Variants in TACC2 observed in about 807,000 individuals in gnomAD.
The protein encoded by TACC2 is transforming acidic coiled-coil-containing protein 2.
TACC2 carries 137 observed loss-of-function variants against 227.3 expected under a neutral mutation model. The ratio of observed to expected loss-of-function variants is 0.60; its 90% CI spans 0.52 to 0.69. The LOEUF is 0.69. TACC2 is among the 30% of genes least tolerant of loss of function. TACC2 has a pLI of 0.00. For synonymous variants in TACC2, 1,523 were observed against 1,487.5 expected, an observed-to-expected ratio of 1.02 and a Z score of -0.55; for missense variants, 3,470 against 3,694.4, an observed-to-expected ratio of 0.94 and a Z score of 1.57.
chr10:122,115,685 G>T (rs2084570914), intron 5 of TACC2, among the ~76,000 whole-genome samples: 1 of 152,204 alleles, frequency 6.6e-6, no homozygotes, highest in South Asian at 2.1e-4. Context: ...AAGCGTAGAT[G>T]AGACTGGAAG....
chr10:122,119,858 G>T (rs1312857641), intron 5 of TACC2, among the ~76,000 whole-genome samples: 2 of 151,904 alleles, frequency 1.3e-5, no homozygotes, highest in East Asian at 3.9e-4. Flanking sequence ...GGCAGAGGTT[G>T]CAGTGAGTCA....
intron 1 of TACC2, among the ~76,000 whole-genome samples, chr10:121,994,922 A>G (rs1356420264): frequency 6.6e-6 from 1 of 152,192 alleles, no homozygotes; most frequent in Non-Finnish European, 1.5e-5. Flanking sequence ...TTGATAGACT[A>G]TGGCCCCATT....
chr10:122,254,145 T>C lies in TACC2; in HGVS notation c.*89T>C, dbSNP rs759862926. ...CCTCCAGTTCCATGGACAGGTTCTG[T>C]TTTCACTTTTTCGTATGCACTACTG... On this transcript the variant is annotated 3_prime_UTR_variant, in exon 23 of 23. Coordinates refer to ENST00000369005, the MANE Select transcript of TACC2 (RefSeq NM_206862.4). The C allele has an allele frequency of 1.8e-6, 2 of 1,111,202 alleles. No homozygotes were observed. The highest frequency in any genetic ancestry group is 3.4e-5 in the Admixed American group (2 of 59,194). 68.8% of individuals were successfully genotyped at this position (1,111,202 alleles called of 1,614,324 possible).
chr10:122,034,286 A>G (rs17102886), intron 2 of TACC2, among the ~76,000 whole-genome samples: 12,954 of 152,170 alleles, frequency 0.085, 643 homozygotes, highest in South Asian at 0.18. Context: ...AACCATTTGC[A>G]TAGAGCATTG....
rs773532416 is a variant in TACC2 at position 122,087,199 on chromosome 10, C to G, written c.4699C>G (p.Gln1567Glu). ...ASGLPSPAAT[Q>E]ELPVERAAAF... ...AGGTCTTCCTTCACCAGCAGCTACTCAGGAGCTCCCTGTGGAGAGAGCTGC... is the reference window on the plus strand; with the variant it reads ...AGGTCTTCCTTCACCAGCAGCTACTGAGGAGCTCCCTGTGGAGAGAGCTGC... The change falls in exon 4 of 23, where the codon CAG (glutamine) becomes GAG (glutamate). Residue 1567 changes from glutamine to glutamate, a missense_variant. By Grantham distance (29) the Gln-to-Glu change is conservative. Around this residue, in one of 10 missense-constraint regions of TACC2, gnomAD observed 1,924 missense variants for 1,978.3 expected, o/e 0.97. Coordinates refer to ENST00000369005, the MANE Select transcript of TACC2 (RefSeq NM_206862.4). The G allele has an allele frequency of 1.2e-6, 2 of 1,612,248 alleles. No individual in the cohort carries two copies. The highest frequency in any genetic ancestry group is 1.7e-6 in the Non-Finnish European group (2 of 1,179,326).
intron 2 of TACC2, among the ~76,000 whole-genome samples, chr10:122,032,816 G>A (rs541089937): frequency 1.9e-4 from 29 of 152,090 alleles, no homozygotes; most frequent in African/African-American, 4.8e-4. Context: ...AAAATTAGCC[G>A]GGCGTGGTGG....
chr10:122,218,849 T>C (rs2095465146), intron 11 of TACC2, among the ~76,000 whole-genome samples: 1 of 151,750 alleles, frequency 6.6e-6, no homozygotes, highest in East Asian at 1.9e-4. Context: ...GGCAAAACAC[T>C]GACTCTACCA....
intron 5 of TACC2, among the ~76,000 whole-genome samples, chr10:122,123,599 G>A (rs7078490): frequency 3.3e-5 from 5 of 152,154 alleles, no homozygotes; most frequent in South Asian, 2.1e-4. Context: ...TGGTCAGTTC[G>A]GTCATGCCCA....
At chr10:122,104,045 G>A (rs953649083) in intron 5 of TACC2, among the ~76,000 whole-genome samples, 1 of 152,170 alleles carries the variant, frequency 6.6e-6, no homozygotes, top group Admixed American at 6.5e-5. Flanking sequence ...TGTCTATGAA[G>A]GCAAGGATGT....
chr10:122,076,317 C>T, intron 3 of TACC2, among the ~76,000 whole-genome samples: 1 of 152,156 alleles, frequency 6.6e-6, no homozygotes. Flanking sequence ...TTCCTGAGGG[C>T]AGGGCCTTCA....
intron 2 of TACC2, among the ~76,000 whole-genome samples, chr10:122,025,186 T>C (rs1280002767): frequency 6.6e-6 from 1 of 152,246 alleles, no homozygotes; most frequent in African/African-American, 2.4e-5. Context: ...CATGTGCTTA[T>C]CTGCCATCTA....
At chr10:122,124,829 C>T (rs997434720) in intron 5 of TACC2, among the ~76,000 whole-genome samples, 1 of 152,218 alleles carries the variant, frequency 6.6e-6, no homozygotes, top group East Asian at 1.9e-4. Context: ...TGACGTTCAT[C>T]CTCTCTCTAT....
At chr10:122,122,549 G>A (rs541973821) in intron 5 of TACC2, among the ~76,000 whole-genome samples, 112 of 149,058 alleles carry the variant, frequency 7.5e-4, no homozygotes, top group Non-Finnish European at 1.3e-3. Context: ...TTTCTCATCC[G>A]AGAGTGGAAA....
chr10:122,249,286 A>G (rs1430941731), intron 21 of TACC2, 130 bp downstream of exon 21: 7 of 751,286 alleles, frequency 9.3e-6, no homozygotes, highest in African/African-American at 7.0e-5. Context: ...GTGTGTTTCA[A>G]TAAGACTCGA....
chr10:122,038,151 T>A (rs976514906), intron 2 of TACC2, among the ~76,000 whole-genome samples: 2 of 151,906 alleles, frequency 1.3e-5, no homozygotes, highest in African/African-American at 2.4e-5. Context: ...TCCCAGCTAT[T>A]TGGGAGGCTG....
intron 3 of TACC2, among the ~76,000 whole-genome samples, chr10:122,064,913 A>G (rs1268212421): frequency 6.6e-6 from 1 of 152,170 alleles, no homozygotes; most frequent in African/African-American, 2.4e-5. Context: ...TCATCATACC[A>G]GATTGTTCTC....
intron 20 of TACC2, 74 bp downstream of exon 20, chr10:122,248,877 A>G (rs2096189247): frequency 1.9e-6 from 3 of 1,591,434 alleles, no homozygotes; most frequent in South Asian, 2.2e-5. Context: ...GGGAGGGGGT[A>G]GGATTCCAGA....
rs757969790 is a variant in TACC2 at position 122,083,902 on chromosome 10, C to A, written c.1402C>A (p.Leu468Met). ...GGTGGTGGATGCAGGGTTGGTGGGA[C>A]TGGAGAGGCAGGTGTCAGATCTTGG... ...KEVVDAGLVG[L>M]ERQVSDLGSK... is the part of the protein sequence containing the mutation. Residue 468 changes from leucine to methionine, a missense_variant, in exon 4 of 23, where the codon CTG (leucine) becomes ATG (methionine). Leu to Met is a conservative substitution (Grantham distance 15, BLOSUM62 2). Coordinates refer to ENST00000369005, the MANE Select transcript of TACC2 (RefSeq NM_206862.4). The A allele has an allele frequency of 1.9e-6, 3 of 1,614,130 alleles. No individual in the cohort carries two copies. The Admixed American group carries it at 5.0e-5, about 27-fold the overall frequency.
intron 5 of TACC2, among the ~76,000 whole-genome samples, chr10:122,100,048 T>C (rs1469294830): frequency 6.6e-6 from 1 of 152,156 alleles, no homozygotes; most frequent in Non-Finnish European, 1.5e-5. Context: ...GAGGATCACC[T>C]GAGGTCAGGA....
Sources: allele counts gnomAD v4.1 joint callset (sites outside exome capture counted in the v4.1 genomes callset), GRCh38; gene constraint gnomAD v4.1.1; regional missense constraint gnomAD v4.1.1; transcripts MANE v1.5; gene names NCBI Gene and HGNC (gene_info 2026-07-23, HGNC 2026-07-21).